TRAPPC13: variants seen among roughly 807,000 people sequenced by gnomAD.
The protein encoded by TRAPPC13 is trafficking protein particle complex subunit 13.
A neutral mutation model predicts 54.0 loss-of-function variants in TRAPPC13; 39 were observed. That is an observed-to-expected ratio of 0.72 (90% CI 0.56 to 0.94). The LOEUF (loss-of-function observed/expected upper bound fraction) is 0.94, where lower values mean the gene tolerates loss of function less well. TRAPPC13 is among the 40% of genes least tolerant of loss of function. TRAPPC13 has a pLI of 0.00. For synonymous variants in TRAPPC13, 148 were observed against 167.7 expected (o/e 0.88, Z 0.91); for missense variants, 386 against 488.1 (o/e 0.79, Z 1.97).
At chr5:65,629,368 T>G in intron 1 of TRAPPC13, 4 of 840,496 alleles carry the variant, frequency 4.8e-6, no homozygotes, top group Non-Finnish European at 6.4e-6. Context: ...AAATACCACA[T>G]TGGGATTGGT....
chr5:65,649,403 T>C (rs1042858487), intron 5 of TRAPPC13, among the ~76,000 whole-genome samples: 1 of 152,198 alleles, frequency 6.6e-6, no homozygotes, highest in African/African-American at 2.4e-5. Flanking sequence ...TAAGCATTTT[T>C]AAGGCTCTTT....
chr5:65,636,140 T>G, intron 3 of TRAPPC13, 97 bp downstream of exon 3: 1 of 764,398 alleles, frequency 1.3e-6, no homozygotes, highest in Non-Finnish European at 2.1e-6. Flanking sequence ...CATGATACAT[T>G]TACCTTTTTT....
At chr5:65,634,265 G>A (rs1190077118) in intron 1 of TRAPPC13, among the ~76,000 whole-genome samples, 1 of 151,922 alleles carries the variant, frequency 6.6e-6, no homozygotes, top group Non-Finnish European at 1.5e-5. Context: ...GATTACAGGC[G>A]TGAGCCACCA....
chr5:65,633,133 A>T (rs1211863996), intron 1 of TRAPPC13, among the ~76,000 whole-genome samples: 2 of 152,232 alleles, frequency 1.3e-5, no homozygotes, highest in African/African-American at 4.8e-5. Flanking sequence ...CTGAAACCAG[A>T]ATGAGAAAGC....
At chr5:65,634,435 C>T (rs1253638692) in intron 1 of TRAPPC13, among the ~76,000 whole-genome samples, 8 of 151,970 alleles carry the variant, frequency 5.3e-5, no homozygotes, top group Non-Finnish European at 1.2e-4. Flanking sequence ...TCTTTTTTCT[C>T]CGTTAATTTC....
intron 1 of TRAPPC13, chr5:65,629,553 T>C: frequency 2.7e-6 from 4 of 1,476,098 alleles, no homozygotes; most frequent in Non-Finnish European, 2.7e-6. Context: ...ACTAAGAAAT[T>C]TTCTCATCAC....
chr5:65,654,612 C>T (rs1357754638), intron 7 of TRAPPC13, among the ~76,000 whole-genome samples: 2 of 152,154 alleles, frequency 1.3e-5, no homozygotes, highest in Non-Finnish European at 2.9e-5. Context: ...ACAGTAATAT[C>T]AGTAAGTGAT....
At chr5:65,661,021 G>A (rs1756833835) in intron 10 of TRAPPC13, 124 bp downstream of exon 10, 1 of 710,560 alleles carries the variant, frequency 1.4e-6, no homozygotes, top group Admixed American at 3.2e-5. Context: ...ACTACTACTG[G>A]AGCAGAAAAG....
intron 5 of TRAPPC13, among the ~76,000 whole-genome samples, chr5:65,649,839 G>A (rs1263224797): frequency 6.7e-6 from 1 of 148,394 alleles, no homozygotes; most frequent in Non-Finnish European, 1.5e-5. Context: ...TTGCATTTAT[G>A]TTAAGAAATC....
At chr5:65,649,692 C>T (rs1327076060) in intron 5 of TRAPPC13, among the ~76,000 whole-genome samples, 1 of 151,942 alleles carries the variant, frequency 6.6e-6, no homozygotes, top group African/African-American at 2.4e-5. Flanking sequence ...TTATGGGAAC[C>T]CTTTGTCATA....
At chr5:65,637,849 T>TGCCC in intron 4 of TRAPPC13, 69 bp downstream of exon 4, 3 of 840,798 alleles carry the variant, frequency 3.6e-6, no homozygotes, top group Non-Finnish European at 5.5e-6. Flanking sequence ...CCGGGCATGG[T>TGCCC]GGCTCATGCC....
intron 9 of TRAPPC13, among the ~76,000 whole-genome samples, chr5:65,660,267 C>T (rs1756803288): frequency 6.6e-6 from 1 of 151,764 alleles, no homozygotes; most frequent in Non-Finnish European, 1.5e-5. Flanking sequence ...GTTTCTGTTG[C>T]ACTTTTCAGT....
intron 4 of TRAPPC13, among the ~76,000 whole-genome samples, chr5:65,638,122 C>CAAAA (rs33942733): frequency 6.1e-4 from 77 of 126,040 alleles, no homozygotes; most frequent in Non-Finnish European, 1.0e-3. Context: ...GACTCCATCT[C>CAAAA]AAAAAAAAAA....
intron 1 of TRAPPC13, 64 bp downstream of exon 1, chr5:65,625,170 T>C: frequency 2.9e-6 from 4 of 1,394,222 alleles, no homozygotes; most frequent in Non-Finnish European, 4.1e-6. Context: ...TATCGAAGCC[T>C]TTGCCATGTA....
At position 65,664,802 on chromosome 5, in the gene TRAPPC13, CAT is replaced by C. The variant is rs1756979576; in HGVS notation, c.*192_*193del. ...TCTTGTAATTTATATTTGAAATGAA[CAT>C]GTGTATATTTTCTACACCTATTATT... is the stretch of plus-strand genomic sequence containing the variant. On this transcript the variant is annotated 3_prime_UTR_variant, in exon 13 of 13. Coordinates refer to ENST00000399438, the MANE Select transcript of TRAPPC13 (RefSeq NM_024941.4). 6 of 584,918 alleles carry C rather than the reference CAT, an allele frequency of 1.0e-5. No individual in the cohort carries two copies. Among genetic ancestry groups the C allele is most frequent in the African/African-American group, 7.7e-5 (4 of 52,216 alleles). 36.2% of individuals were successfully genotyped at this position (584,918 alleles called of 1,614,324 possible). A position where few individuals can be genotyped will look rare whatever the true frequency, so the allele number is the denominator to read the frequency against.
chr5:65,635,161 G>A (rs1755701849), intron 1 of TRAPPC13, 140 bp from the exon 2 acceptor site: 3 of 733,210 alleles, frequency 4.1e-6, no homozygotes, highest in Non-Finnish European at 6.2e-6. Context: ...ACCTTAGGAA[G>A]TATGTAGTAT....
intron 11 of TRAPPC13, chr5:65,663,137 T>G (rs1043929688): frequency 6.6e-6 from 1 of 151,984 alleles, no homozygotes; most frequent in Non-Finnish European, 1.5e-5. Flanking sequence ...GTTGGGGAAT[T>G]TTTGGTTTTT....
chr5:65,660,406 C>G (rs902318799), intron 9 of TRAPPC13, among the ~76,000 whole-genome samples: 1 of 150,468 alleles, frequency 6.6e-6, no homozygotes, highest in South Asian at 2.1e-4. Context: ...GGTGACAGAG[C>G]AAGACCCTGT....
chr5:65,652,703 T>G, intron 7 of TRAPPC13, 158 bp downstream of exon 7: 3 of 693,100 alleles, frequency 4.3e-6, no homozygotes, highest in Non-Finnish European at 5.3e-6. Flanking sequence ...AATAATTTTA[T>G]TATAGGTCTC....
Sources: allele counts gnomAD v4.1 joint callset (sites outside exome capture counted in the v4.1 genomes callset), GRCh38; gene constraint gnomAD v4.1.1; transcripts MANE v1.5; gene names NCBI Gene and HGNC (gene_info 2026-07-23, HGNC 2026-07-21).